Variants in EP400 observed in about 807,000 individuals in gnomAD.
EP400 encodes the protein E1A-binding protein p400.
A neutral mutation model predicts 354.1 loss-of-function variants in EP400; 105 were observed. That is an observed-to-expected ratio of 0.30 (90% CI 0.25 to 0.35). EP400 has a LOEUF of 0.35. Among genes scored for constraint, EP400 ranks in the 10% least tolerant of loss-of-function variants. The pLI, the probability that EP400 is intolerant of heterozygous loss-of-function variation, is 1.00. For synonymous variants in EP400, 1,646 were observed against 1,716.9 expected (o/e 0.96, Z 1.02); for missense variants, 3,280 against 4,121.0 (o/e 0.80, Z 5.59).
intron 19 of EP400, among the ~76,000 whole-genome samples, chr12:132,016,144 T>C (rs560747931): frequency 3.3e-4 from 51 of 152,368 alleles, no homozygotes; most frequent in African/African-American, 1.1e-3. Context: ...TGATTTGCCC[T>C]GGCCCTTGTG....
chr12:131,990,141 G>A lies in EP400; in HGVS notation c.2550+37G>A. On this transcript the variant is annotated intron_variant, in intron 8 of 52. Transcript: ENST00000389561. The surrounding 1 kb of genome is among the most constrained non-coding windows in gnomAD (Gnocchi z 4.2). The stretch of plus-strand genomic sequence containing the variant: ...CGTTGTCATGGGGTCGTAAGAATCA[G>A]TCTGTCGGAGCTGGTGAGGCCACTT... The A allele has an allele frequency of 6.3e-7, 1 of 1,576,432 alleles. No individual in the cohort carries two copies. The highest frequency in any genetic ancestry group is 8.6e-7 in the Non-Finnish European group (1 of 1,164,816).
In EP400 at chr12:132,017,290, T is replaced by C. The variant is rs1291663354; in HGVS notation, c.3924-245T>C. 6.6e-6 allele frequency among the ~76,000 whole-genome samples: 1 copy of C among 152,212 alleles called. No individual in the cohort carries two copies. The highest frequency in any genetic ancestry group is 1.5e-5 in the Non-Finnish European group (1 of 68,044). On this transcript the variant is annotated intron_variant, in intron 19 of 52. Coordinates refer to ENST00000389561, the MANE Select transcript of EP400 (RefSeq NM_015409.5). This position sits in a 1 kb window ranked among gnomAD's most constrained non-coding sequence, Gnocchi z 5.0. ...GCACTCGGTATGATTGTGAATGAAG[T>C]GGAGTGGCTGTCTTTCCGTCAGCTC... is the stretch of plus-strand genomic sequence containing the variant.
At chr12:131,970,222 G>A (rs891784058) in intron 2 of EP400, among the ~76,000 whole-genome samples, 4 of 152,196 alleles carry the variant, frequency 2.6e-5, no homozygotes, top group Non-Finnish European at 4.4e-5. Flanking sequence ...GGCCAGGAGT[G>A]CCTATCAACA....
At chr12:132,060,616 ATATCT>A (rs1328481643) in intron 45 of EP400, among the ~76,000 whole-genome samples, 1 of 152,038 alleles carries the variant, frequency 6.6e-6, no homozygotes, top group East Asian at 1.9e-4. Flanking sequence ...TCTCTTGGAG[ATATCT>A]TAAAGAACAA....
At chr12:132,049,051 A>G (rs1413106264) in intron 39 of EP400, among the ~76,000 whole-genome samples, 3 of 152,214 alleles carry the variant, frequency 2.0e-5, no homozygotes, top group African/African-American at 7.2e-5. Context: ...GAGCCCCCTA[A>G]AGGACATCCT....
intron 41 of EP400, chr12:132,051,023 G>A (rs1895270298): frequency 2.8e-6 from 1 of 353,896 alleles, no homozygotes; most frequent in African/African-American, 2.1e-5. Flanking sequence ...ACCACATTTA[G>A]GGGTGTGTGT....
intron 30 of EP400, among the ~76,000 whole-genome samples, chr12:132,035,900 G>GA: frequency 8.8e-6 from 1 of 113,654 alleles, no homozygotes; most frequent in Admixed American, 9.0e-5. Context: ...TCGTGGAAGG[G>GA]CACACCCAGG....
Position 132,077,833 on chromosome 12 carries a change from C to T in EP400, c.*160C>T, listed in dbSNP as rs887053277. On this transcript the variant is annotated 3_prime_UTR_variant, in exon 53 of 53. Coordinates refer to ENST00000389561, the MANE Select transcript of EP400 (RefSeq NM_015409.5). ...AATCATTTTATTAAAATGCATCCCA[C>T]ACTGCAGGACAAATGGTCCTTATGG... 10 of 959,652 alleles carry T rather than the reference C, an allele frequency of 1.0e-5. No individual in the cohort carries two copies. The highest frequency in any genetic ancestry group is 1.5e-5 in the Non-Finnish European group (10 of 667,014). The allele number at this position is 959,652 out of a possible 1,614,324, so 59.4% of individuals were successfully genotyped here.
intron 23 of EP400, 92 bp from the exon 24 acceptor site, chr12:132,023,685 G>A: frequency 4.9e-6 from 6 of 1,230,872 alleles, no homozygotes; most frequent in Non-Finnish European, 6.9e-6. Flanking sequence ...TATGATAGAT[G>A]GTCATTATAT....
chr12:132,013,277 T>A lies in EP400; in HGVS notation c.3611+99T>A. On this transcript the variant is annotated intron_variant, in intron 17 of 52. Transcript: ENST00000389561. This position sits in a 1 kb window ranked among gnomAD's most constrained non-coding sequence, Gnocchi z 4.5. The stretch of plus-strand genomic sequence containing the variant: ...TAATTGCAGACACAAACAATGGCCT[T>A]TGAGCTAGAGAATTGCTTTTCATCT... The A allele has an allele frequency of 2.7e-6, 4 of 1,470,498 alleles. No individual in the cohort carries two copies. Among genetic ancestry groups the A allele is most frequent in the Non-Finnish European group, 9.1e-7 (1 of 1,100,746 alleles). The allele number at this position is 1,470,498 out of a possible 1,614,324, so 91.1% of individuals were successfully genotyped here.
At chr12:132,009,509 C>T (rs1464457285) in intron 15 of EP400, among the ~76,000 whole-genome samples, 1 of 152,100 alleles carries the variant, frequency 6.6e-6, no homozygotes, top group Non-Finnish European at 1.5e-5. Context: ...GCTGCAAGTG[C>T]AGCTGGTGTC....
chr12:131,953,090 G>A (rs563454324), intron 1 of EP400, among the ~76,000 whole-genome samples: 1 of 152,164 alleles, frequency 6.6e-6, no homozygotes, highest in Non-Finnish European at 1.5e-5. Flanking sequence ...ATTGGAAGAA[G>A]GGTGAAAAAA....
intron 15 of EP400, among the ~76,000 whole-genome samples, chr12:132,011,291 G>A (rs1893755718): frequency 6.6e-6 from 1 of 152,230 alleles, no homozygotes; most frequent in Non-Finnish European, 1.5e-5. Flanking sequence ...TGCTTGTGCA[G>A]CAGCGCCCTG....
chr12:132,042,096 G>A (rs1894932486), intron 32 of EP400, among the ~76,000 whole-genome samples: 1 of 151,834 alleles, frequency 6.6e-6, no homozygotes, highest in Non-Finnish European at 1.5e-5. Context: ...AATTACAGGT[G>A]CATGCCACCA....
intron 30 of EP400, among the ~76,000 whole-genome samples, chr12:132,032,723 C>T (rs569719688): frequency 1.7e-4 from 26 of 151,624 alleles, no homozygotes; most frequent in South Asian, 2.1e-4. Context: ...CTCTGTCTCC[C>T]GGGTTCAAGC....
chr12:132,014,240 T>A (rs1353985145), intron 19 of EP400, among the ~76,000 whole-genome samples: 1 of 152,128 alleles, frequency 6.6e-6, no homozygotes, highest in Non-Finnish European at 1.5e-5. Flanking sequence ...GGAGGGATGG[T>A]GATTGAGCAG....
chr12:132,043,609 T>C (rs1345470307), intron 33 of EP400, 36 bp from the exon 34 acceptor site: 1 of 1,588,856 alleles, frequency 6.3e-7, no homozygotes, highest in Non-Finnish European at 8.6e-7. Context: ...ATTAACTTGC[T>C]ATTAACCCTA....
chr12:132,013,307 C>A lies in EP400; in HGVS notation c.3611+129C>A. On this transcript the variant is annotated intron_variant, in intron 17 of 52. Coordinates refer to ENST00000389561, the MANE Select transcript of EP400 (RefSeq NM_015409.5). The surrounding 1 kb of genome is among the most constrained non-coding windows in gnomAD (Gnocchi z 4.5). ...CTAGAGAATTGCTTTTCATCTTCAT[C>A]CCAGCACATGGGCCAGAGAGCCCCA... 7.0e-7 allele frequency: 1 copy of A among 1,423,548 alleles called. No homozygotes were observed. The highest frequency in any genetic ancestry group is 9.4e-7 in the Non-Finnish European group (1 of 1,065,848). The allele number at this position is 1,423,548 out of a possible 1,614,324, so 88.2% of individuals were successfully genotyped here.
chr12:131,995,058 C>G (rs1250342316), intron 12 of EP400, 102 bp downstream of exon 12: 1 of 1,144,210 alleles, frequency 8.7e-7, no homozygotes, highest in Admixed American at 2.0e-5. Flanking sequence ...AGCAGCAGTG[C>G]CTGTTTTATG....
Sources: allele counts gnomAD v4.1 joint callset (sites outside exome capture counted in the v4.1 genomes callset), GRCh38; gene constraint gnomAD v4.1.1; non-coding constraint Gnocchi (gnomAD v3.1); transcripts MANE v1.5; gene names NCBI Gene and HGNC (gene_info 2026-07-23, HGNC 2026-07-21).